The following SENP7 variants were observed in gnomAD, a reference collection of about 807,000 sequenced individuals.
The protein encoded by SENP7 is sentrin-specific protease 7.
Under a neutral mutation model 141.2 loss-of-function variants are expected in SENP7, and 64 were observed. The observed-to-expected ratio is 0.45, with a 90% CI of 0.37 to 0.56. The LOEUF is 0.56. Ranked by LOEUF, SENP7 falls within the 20% of genes least tolerant of loss-of-function variation. The pLI is 0.00. For synonymous variants in SENP7, 382 were observed against 426.4 expected, an observed-to-expected ratio of 0.90 and a Z score of 1.28; for missense variants, 1,025 against 1,212.2, an observed-to-expected ratio of 0.85 and a Z score of 2.29.
intron 6 of SENP7, among the ~76,000 whole-genome samples, chr3:101,378,274 T>C (rs2060394644): frequency 6.6e-6 from 1 of 151,932 alleles, no homozygotes; most frequent in African/African-American, 2.4e-5. Flanking sequence ...AATTATCAGA[T>C]TAGGAATTTA....
chr3:101,490,217 AAAG>A (rs1383149829), intron 3 of SENP7, among the ~76,000 whole-genome samples: 1 of 152,120 alleles, frequency 6.6e-6, no homozygotes, highest in African/African-American at 2.4e-5. Flanking sequence ...ACAAAAAAAA[AAAG>A]AGCCTAAAAG....
chr3:101,438,663 A>G (rs1191406032), intron 4 of SENP7, among the ~76,000 whole-genome samples: 1 of 152,260 alleles, frequency 6.6e-6, no homozygotes, highest in African/African-American at 2.4e-5. Context: ...TATATTTAAA[A>G]TAGATACATG....
At chr3:101,421,291 G>A (rs1011746094) in intron 4 of SENP7, among the ~76,000 whole-genome samples, 13 of 150,270 alleles carry the variant, frequency 8.7e-5, no homozygotes, top group Admixed American at 4.7e-4. Context: ...ACCGAGAGAC[G>A]GCAAATGTGC....
At chr3:101,393,956 C>T (rs2060888751) in intron 6 of SENP7, among the ~76,000 whole-genome samples, 1 of 152,128 alleles carries the variant, frequency 6.6e-6, no homozygotes, top group South Asian at 2.1e-4. Flanking sequence ...TTATCATTTC[C>T]ATGTGTTGGG....
At chr3:101,347,089 C>T (rs1275898582) in intron 13 of SENP7, among the ~76,000 whole-genome samples, 5 of 151,692 alleles carry the variant, frequency 3.3e-5, no homozygotes, top group Non-Finnish European at 7.4e-5. Flanking sequence ...AGGTATGGTG[C>T]TGCACCCCTG....
chr3:101,405,226 G>A (rs914218383), intron 5 of SENP7, among the ~76,000 whole-genome samples: 1 of 152,194 alleles, frequency 6.6e-6, no homozygotes, highest in Non-Finnish European at 1.5e-5. Context: ...ATCCATGGCT[G>A]AGAGACCCAT....
At chr3:101,457,385 C>A in intron 4 of SENP7, 1 of 1,466,072 alleles carries the variant, frequency 6.8e-7, no homozygotes, top group Non-Finnish European at 9.5e-7. Context: ...TTAAACTGTT[C>A]AGACTGTCTA....
At chr3:101,410,473 C>T (rs540228452) in intron 5 of SENP7, among the ~76,000 whole-genome samples, 3 of 152,160 alleles carry the variant, frequency 2.0e-5, no homozygotes, top group African/African-American at 4.8e-5. Flanking sequence ...TACTTGCACA[C>T]GTGTTTATAG....
chr3:101,349,714 T>TA (rs1298252781), intron 12 of SENP7, among the ~76,000 whole-genome samples: 1 of 152,022 alleles, frequency 6.6e-6, no homozygotes, highest in Non-Finnish European at 1.5e-5. Context: ...ATTATCTTTT[T>TA]AAAAAAAGGG....
chr3:101,484,018 C>T (rs1041041751), intron 3 of SENP7, among the ~76,000 whole-genome samples: 10 of 151,952 alleles, frequency 6.6e-5, no homozygotes, highest in Non-Finnish European at 1.5e-4. Flanking sequence ...CAGAGCAAGA[C>T]TCTGTCTAAA....
At position 101,461,899 on chromosome 3, in the gene SENP7, C is replaced by A. The variant is rs368843109; in HGVS notation, c.187-2847G>T. ...AAGCATTTGTGCTAAGTGAAAGAAG[C>A]CATAGACACAAAAGATCATATATTG... On this transcript the variant is annotated intron_variant, in intron 3 of 23. Transcript: ENST00000394095. Among the ~76,000 whole-genome samples the A allele has an allele frequency of 7.2e-5, 11 of 152,210 alleles. No homozygotes were observed. The East Asian group carries it at 2.1e-3, about 29-fold the overall frequency.
At chr3:101,452,289 C>T (rs2107835760) in intron 4 of SENP7, among the ~76,000 whole-genome samples, 1 of 152,048 alleles carries the variant, frequency 6.6e-6, no homozygotes, top group South Asian at 2.1e-4. Context: ...GCCATACTGC[C>T]CAAGGTAATT....
At chr3:101,372,641 A>G (rs2060212855) in intron 6 of SENP7, among the ~76,000 whole-genome samples, 3 of 152,084 alleles carry the variant, frequency 2.0e-5, no homozygotes, top group Admixed American at 2.0e-4. Flanking sequence ...TTTTGGAATG[A>G]TAGTCACAAT....
At position 101,372,056 on chromosome 3, in the gene SENP7, T is replaced by C; in HGVS notation, c.748A>G (p.Arg250Gly). 1.3e-6 allele frequency: 2 copies of C among 1,568,014 alleles called. No individual in the cohort carries two copies. Among genetic ancestry groups the C allele is most frequent in the South Asian group, 2.4e-5 (2 of 83,118 alleles). ...KQTAHNKEKR[R>G]KDDGISLLIS... ...AAAAGAGAAATGCCATCATCCTTTC[T>C]TCGTTTTTCTTTATTGTGCGCAGTC... Residue 250 changes from arginine (R) to glycine (G), a missense_variant, in exon 7 of 24, where the codon AGA becomes GGA. Transcript: ENST00000394095.
rs1288252320 is a variant in SENP7, at chr3:101,347,867, C to G, written c.1837+5G>C. Reference sequence around the variant, plus strand: ...CCTGAAATTTAGAAATCATTTTATACTCACATTGCTGGCTTAATACAGAGT... The same window carrying G: ...CCTGAAATTTAGAAATCATTTTATAGTCACATTGCTGGCTTAATACAGAGT... On this transcript the variant is annotated splice_donor_5th_base_variant and intron_variant, in intron 13 of 23. Transcript: ENST00000394095. 1 of 1,386,780 alleles carries G rather than the reference C, an allele frequency of 7.2e-7. No homozygotes were observed. Among genetic ancestry groups the G allele is most frequent in the Non-Finnish European group, 9.6e-7 (1 of 1,042,570 alleles). The allele number at this position is 1,386,780 out of a possible 1,614,324, so 85.9% of individuals were successfully genotyped here.
chr3:101,366,313 T>C, intron 9 of SENP7, 117 bp downstream of exon 9: 1 of 630,886 alleles, frequency 1.6e-6, no homozygotes, highest in South Asian at 3.2e-5. Flanking sequence ...GTTAATATAT[T>C]CCACAATGAT....
chr3:101,454,376 G>A (rs1318149624), intron 4 of SENP7, among the ~76,000 whole-genome samples: 2 of 152,068 alleles, frequency 1.3e-5, no homozygotes, highest in Admixed American at 1.3e-4. Flanking sequence ...GCCAAGCATG[G>A]TGGTGCGTGC....
chr3:101,387,169 G>A (rs1443590109), intron 6 of SENP7, among the ~76,000 whole-genome samples: 1 of 152,166 alleles, frequency 6.6e-6, no homozygotes. Flanking sequence ...TGCACAATCA[G>A]AGAGCATAAG....
At position 101,431,618 on chromosome 3, in the gene SENP7, G is replaced by A. The variant is rs868482605; in HGVS notation, c.285-13828C>T. Among the ~76,000 whole-genome samples, 8 of 146,250 alleles carry A rather than the reference G, an allele frequency of 5.5e-5. No homozygotes were observed. In the South Asian group the frequency reaches 1.1e-3, roughly 20 times the overall value. ...GGCCAACATGGTGAAACCCTGTCTC[G>A]ACTAAAAATACAAAAATTAGCTGGG... On this transcript the variant is annotated intron_variant, in intron 4 of 23. Transcript: ENST00000394095.
Sources: gnomAD v4.1 joint callset for allele counts (sites outside exome capture counted in the v4.1 genomes callset) on GRCh38, gnomAD v4.1.1 for gene constraint, MANE v1.5 for transcripts, NCBI Gene and HGNC (gene_info 2026-07-23, HGNC 2026-07-21) for gene names.